Variants in HTR4 observed in about 807,000 individuals in gnomAD.
The protein encoded by HTR4 is 5-hydroxytryptamine (serotonin) receptor 4, G protein-coupled.
Under a neutral mutation model 36.8 loss-of-function variants are expected in HTR4, and 16 were observed. The ratio of observed to expected loss-of-function variants is 0.43; its 90% CI spans 0.29 to 0.66. HTR4 has a LOEUF of 0.66. Among genes scored for constraint, HTR4 ranks in the 30% least tolerant of loss-of-function variants. HTR4 has a pLI of 0.13. For synonymous variants in HTR4, 189 were observed against 185.1 expected, an observed-to-expected ratio of 1.02 and a Z score of -0.17; for missense variants, 438 against 490.9, an observed-to-expected ratio of 0.89 and a Z score of 1.02.
At chr5:148,611,251 G>GA (rs1261338460) in intron 2 of HTR4, among the ~76,000 whole-genome samples, 23 of 150,638 alleles carry the variant, frequency 1.5e-4, no homozygotes, top group Non-Finnish European at 2.8e-4. Context: ...TGAAATGAAG[G>GA]AAAAAATGTT....
chr5:148,611,301 G>C (rs1027526916), intron 2 of HTR4, among the ~76,000 whole-genome samples: 1 of 151,994 alleles, frequency 6.6e-6, no homozygotes, highest in Non-Finnish European at 1.5e-5. Context: ...CTCTCAAAGG[G>C]AAGCCCATCA....
chr5:148,580,662 G>A (rs1286795706), intron 2 of HTR4, among the ~76,000 whole-genome samples: 1 of 152,030 alleles, frequency 6.6e-6, no homozygotes, highest in African/African-American at 2.4e-5. Context: ...TTAACATAAT[G>A]TCTTCCAGGT....
rs544155813 is a variant in HTR4, at chr5:148,564,849, C to T, written c.27-14587G>A. Among the ~76,000 whole-genome samples the T allele has an allele frequency of 9.9e-5, 15 of 152,210 alleles. No homozygotes were observed. In the East Asian group the frequency reaches 2.3e-3, roughly 23 times the overall value. On this transcript the variant is annotated intron_variant, in intron 2 of 6. Transcript: ENST00000377888. ...AAATTTGGCCCGATGTGGTGGCTCA[C>T]GCCTGTAATCCCAGCACTTTGGGAG...
At position 148,548,406 on chromosome 5, in the gene HTR4, C is replaced by T. The variant is rs537086273; in HGVS notation, c.353+262G>A. Among the ~76,000 whole-genome samples the T allele has an allele frequency of 2.6e-5, 4 of 152,276 alleles. No homozygotes were observed. In the East Asian group the frequency reaches 5.8e-4, roughly 22 times the overall value. ...GCTCTATAGTAAACTTGATTGCTGA[C>T]ATCTATTGCTATTTAGATTGCAATC... On this transcript the variant is annotated intron_variant, in intron 4 of 6. Transcript: ENST00000377888.
In HTR4 at chr5:148,509,790, T is replaced by G; in HGVS notation, c.742A>C (p.Thr248Pro). The change falls in exon 6 of 7, where the codon ACT (threonine) becomes CCT (proline). Residue 248 changes from threonine (T) to proline (P), a missense_variant. Coordinates refer to ENST00000377888, the MANE Select transcript of HTR4 (RefSeq NM_000870.7). Reference sequence around the variant, plus strand: ...TTGGTCTCTGTCCTCATGCGATGAGTGCTATGCTGGTCTGCCGACTGAGGC... The same window carrying G: ...TTGGTCTCTGTCCTCATGCGATGAGGGCTATGCTGGTCTGCCGACTGAGGC... ...SRPQSADQHSTHRMRTETKAA... is the reference protein window; with the variant it reads ...SRPQSADQHSPHRMRTETKAA... 1 of 1,613,846 alleles carries G rather than the reference T, an allele frequency of 6.2e-7. No homozygotes were observed.
At chr5:148,618,547 T>G (rs1180443621) in intron 2 of HTR4, among the ~76,000 whole-genome samples, 2 of 152,226 alleles carry the variant, frequency 1.3e-5, no homozygotes, top group East Asian at 3.9e-4. Context: ...GTTCCTGATC[T>G]CTTTGTGGGA....
intron 2 of HTR4, among the ~76,000 whole-genome samples, chr5:148,586,101 TA>T (rs371819348): frequency 2.9e-3 from 439 of 152,246 alleles, no homozygotes; most frequent in African/African-American, 0.01. Flanking sequence ...GAAATTAACT[TA>T]CTAACTTTTT....
At chr5:148,547,494 G>A (rs977716129) in intron 4 of HTR4, among the ~76,000 whole-genome samples, 8 of 145,004 alleles carry the variant, frequency 5.5e-5, no homozygotes, top group Non-Finnish European at 1.2e-4. Flanking sequence ...ACTTCAGCCT[G>A]GGTGACAGAG....
intron 4 of HTR4, among the ~76,000 whole-genome samples, chr5:148,536,724 C>A (rs1758841773): frequency 2.6e-5 from 4 of 152,100 alleles, no homozygotes; most frequent in Admixed American, 2.0e-4. Context: ...CACAGAAGCA[C>A]CCAGATTCAT....
intron 6 of HTR4, among the ~76,000 whole-genome samples, chr5:148,498,798 T>G (rs749498328): frequency 6.6e-6 from 1 of 152,162 alleles, no homozygotes; most frequent in Non-Finnish European, 1.5e-5. Flanking sequence ...GTTTGAATAA[T>G]CAACGGGTAC....
At chr5:148,451,649 C>T (rs1754976209) in intron 5 of HTR4, among the ~76,000 whole-genome samples, 1 of 152,050 alleles carries the variant, frequency 6.6e-6, no homozygotes, top group African/African-American at 2.4e-5. Context: ...TCCTATCTAC[C>T]AGGGATAGTT....
At chr5:148,606,218 C>A (rs1456767633) in intron 2 of HTR4, among the ~76,000 whole-genome samples, 1 of 151,784 alleles carries the variant, frequency 6.6e-6, no homozygotes, top group Admixed American at 6.6e-5. Context: ...GGAATGAGGA[C>A]ATTATTGGGA....
intron 5 of HTR4, among the ~76,000 whole-genome samples, chr5:148,467,615 G>T (rs1755461363): frequency 6.6e-6 from 1 of 152,100 alleles, no homozygotes; most frequent in Admixed American, 6.5e-5. Flanking sequence ...TGAAATCTAA[G>T]GTATTACTAT....
chr5:148,585,978 T>TCAC (rs1384378042), intron 2 of HTR4, among the ~76,000 whole-genome samples: 1 of 152,206 alleles, frequency 6.6e-6, no homozygotes, highest in South Asian at 2.1e-4. Context: ...TGGCATTCAT[T>TCAC]CACCATTTCA....
At chr5:148,647,720 A>G (rs1368118664) in intron 1 of HTR4, among the ~76,000 whole-genome samples, 1 of 152,176 alleles carries the variant, frequency 6.6e-6, no homozygotes, top group Non-Finnish European at 1.5e-5. Flanking sequence ...GTGGTGTTGC[A>G]TGCCTGTAGT....
intron 6 of HTR4, among the ~76,000 whole-genome samples, chr5:148,498,966 G>A (rs1436235257): frequency 6.6e-6 from 1 of 152,144 alleles, no homozygotes; most frequent in African/African-American, 2.4e-5. Context: ...AAATGGTAGA[G>A]TTGATAGATT....
chr5:148,548,655 G>A lies in HTR4; in HGVS notation c.353+13C>T. On this transcript the variant is annotated intron_variant, in intron 4 of 6. Transcript: ENST00000377888. The stretch of plus-strand genomic sequence containing the variant: ...AGCATGGAGCTCCGCTATGCACATT[G>A]TTCTGTCCTTACCTATCCAGAGAAA... 6.3e-7 allele frequency: 1 copy of A among 1,586,232 alleles called. No individual in the cohort carries two copies. The highest frequency in any genetic ancestry group is 1.4e-5 in the African/African-American group (1 of 73,950).
chr5:148,583,587 G>GA (rs1180777072), intron 2 of HTR4, among the ~76,000 whole-genome samples: 1 of 151,550 alleles, frequency 6.6e-6, no homozygotes, highest in African/African-American at 2.4e-5. Flanking sequence ...CTGGCAAATA[G>GA]AAAACACTCA....
intron 2 of HTR4, among the ~76,000 whole-genome samples, chr5:148,563,248 C>T (rs1760294799): frequency 6.6e-6 from 1 of 152,184 alleles, no homozygotes; most frequent in African/African-American, 2.4e-5. Flanking sequence ...CATCCACCTC[C>T]ACCATCCACC....
Sources: gnomAD v4.1 joint callset for allele counts (sites outside exome capture counted in the v4.1 genomes callset) on GRCh38, gnomAD v4.1.1 for gene constraint, MANE v1.5 for transcripts, NCBI Gene and HGNC (gene_info 2026-07-23, HGNC 2026-07-21) for gene names.